Variants in APOOL observed in about 807,000 individuals in gnomAD.
The protein encoded by APOOL is MICOS complex subunit MIC27.
Under a neutral mutation model 23.1 loss-of-function variants are expected in APOOL, and 12 were observed. That is an observed-to-expected ratio of 0.52 (90% confidence interval 0.33 to 0.84). APOOL has a LOEUF of 0.84. APOOL is among the 40% of genes least tolerant of loss of function. The pLI is 0.02. For missense variants in APOOL, 212 were observed against 199.6 expected (o/e 1.06, Z -0.37); for synonymous variants, 77 against 69.9 (o/e 1.10, Z -0.51).
intron 8 of APOOL, among the ~76,000 whole-genome samples, chrX:85,082,879 G>A (rs982664082): frequency 6.3e-5 from 7 of 111,566 alleles, no homozygotes; most frequent in Admixed American, 1.9e-4. Flanking sequence ...TTGTGGATTC[G>A]GAGACTAAAT....
rs1258538706 is a variant in APOOL at position 85,088,060 on chromosome X, A to G, written c.*382A>G. Reference sequence around the variant, plus strand: ...TGTATAAATACGTATTTATACATATATGTATAAATACATATACATATATGT... The same window carrying G: ...TGTATAAATACGTATTTATACATATGTGTATAAATACATATACATATATGT... On this transcript the variant is annotated 3_prime_UTR_variant, in exon 9 of 9. Coordinates refer to ENST00000373173, the MANE Select transcript of APOOL (RefSeq NM_198450.6). The G allele has an allele frequency of 1.4e-4, 1 of 7,210 alleles. No individual in the cohort carries two copies. The highest frequency in any genetic ancestry group is 2.2e-4 in the Non-Finnish European group (1 of 4,585). 0.6% of individuals were successfully genotyped at this position (7,210 alleles called of 1,213,427 possible). A position where few individuals can be genotyped will look rare whatever the true frequency, so the allele number is the denominator to read the frequency against.
chrX:85,051,861 T>C (rs1413797331), intron 3 of APOOL, among the ~76,000 whole-genome samples: 1 of 111,963 alleles, frequency 8.9e-6, no homozygotes, highest in Non-Finnish European at 1.9e-5. Context: ...TCAAGCATGG[T>C]GATCTCAAAT....
At chrX:85,050,938 AC>A (rs1284318444) in intron 2 of APOOL, among the ~76,000 whole-genome samples, 1 of 110,476 alleles carries the variant, frequency 9.1e-6, no homozygotes, top group Non-Finnish European at 1.9e-5. Flanking sequence ...TTTTTAAGTA[AC>A]CTTATATTCC....
chrX:85,060,018 A>G (rs1488475184), intron 5 of APOOL, among the ~76,000 whole-genome samples: 151 of 110,796 alleles, frequency 1.4e-3, no homozygotes, highest in Non-Finnish European at 2.4e-3. Context: ...TAGGTCTAAC[A>G]TTTAAGTCTT....
chrX:85,036,165 T>C (rs1922209763), intron 1 of APOOL, among the ~76,000 whole-genome samples: 1 of 112,228 alleles, frequency 8.9e-6, no homozygotes, highest in African/African-American at 3.2e-5. Context: ...AGCAGTGTTT[T>C]ATAGTTCTGA....
chrX:85,004,506 C>T (rs1261925512), intron 1 of APOOL, among the ~76,000 whole-genome samples: 2 of 112,157 alleles, frequency 1.8e-5, no homozygotes, highest in Non-Finnish European at 3.8e-5. Flanking sequence ...AGTGACTCAG[C>T]TGGCAGCTTG....
At chrX:85,087,277 CTA>C (rs1254926086) in intron 8 of APOOL, among the ~76,000 whole-genome samples, 3 of 111,151 alleles carry the variant, frequency 2.7e-5, no homozygotes, top group Non-Finnish European at 5.7e-5. Context: ...CTGCTGGTAT[CTA>C]TAGGGTGCAC....
At chrX:85,070,824 A>G (rs938717368) in intron 6 of APOOL, among the ~76,000 whole-genome samples, 4 of 110,821 alleles carry the variant, frequency 3.6e-5, no homozygotes, top group Admixed American at 9.8e-5. Context: ...ATGTCCAAAA[A>G]AAAAAAAAAT....
intron 2 of APOOL, among the ~76,000 whole-genome samples, chrX:85,048,320 A>T (rs985720307): frequency 1.8e-5 from 2 of 110,699 alleles, no homozygotes; most frequent in Admixed American, 1.9e-4. Flanking sequence ...TCTTAGGAGG[A>T]TGTTGATTTT....
chrX:85,051,346 C>T, intron 2 of APOOL, 43 bp from the exon 3 acceptor site: 1 of 1,201,158 alleles, frequency 8.3e-7, no homozygotes, highest in Non-Finnish European at 1.1e-6. Context: ...TATGGACAGT[C>T]CAGCTATTTT....
intron 1 of APOOL, among the ~76,000 whole-genome samples, chrX:85,039,285 G>T (rs1386842909): frequency 3.7e-5 from 4 of 108,863 alleles, no homozygotes; most frequent in Non-Finnish European, 5.7e-5. Flanking sequence ...CATGATTTCA[G>T]TTTTTTTTGT....
intron 6 of APOOL, among the ~76,000 whole-genome samples, chrX:85,072,479 C>G (rs944558075): frequency 9.1e-6 from 1 of 110,318 alleles, no homozygotes; most frequent in Non-Finnish European, 1.9e-5. Context: ...AATTTCAGCT[C>G]TAGGAATTTA....
chrX:85,013,583 G>T (rs770046749), intron 1 of APOOL, among the ~76,000 whole-genome samples: 1 of 111,829 alleles, frequency 8.9e-6, no homozygotes, highest in African/African-American at 3.2e-5. Context: ...TTGGCCCAAA[G>T]ATCATTCATT....
intron 1 of APOOL, among the ~76,000 whole-genome samples, chrX:85,011,822 T>C (rs1921296396): frequency 1.8e-5 from 2 of 111,761 alleles, no homozygotes; most frequent in East Asian, 5.6e-4. Flanking sequence ...TTCAGCTATG[T>C]GGGCTCTTTT....
At chrX:85,086,772 T>C (rs1192586696) in intron 8 of APOOL, among the ~76,000 whole-genome samples, 1 of 84,680 alleles carries the variant, frequency 1.2e-5, no homozygotes, top group Non-Finnish European at 2.3e-5. Flanking sequence ...CGATCTCGGC[T>C]CACTGCAAGC....
At chrX:85,063,597 C>G (rs1417501288) in intron 5 of APOOL, among the ~76,000 whole-genome samples, 1 of 111,278 alleles carries the variant, frequency 9.0e-6, no homozygotes, top group African/African-American at 3.3e-5. Context: ...TTATCAAAGG[C>G]CTTTTCTGCG....
intron 1 of APOOL, among the ~76,000 whole-genome samples, chrX:85,014,196 C>G (rs984173177): frequency 9.0e-6 from 1 of 111,223 alleles, no homozygotes; most frequent in African/African-American, 3.3e-5. Flanking sequence ...ACCCCTTTAC[C>G]TTAAGTATAT....
chrX:85,078,880 G>A (rs1923965568), intron 8 of APOOL, among the ~76,000 whole-genome samples: 1 of 111,223 alleles, frequency 9.0e-6, no homozygotes, highest in Non-Finnish European at 1.9e-5. Context: ...CTCATGATTT[G>A]GCTCTCTGTT....
intron 1 of APOOL, among the ~76,000 whole-genome samples, chrX:85,020,426 C>A (rs954921845): frequency 9.0e-6 from 1 of 111,291 alleles, no homozygotes; most frequent in Non-Finnish European, 1.9e-5. Flanking sequence ...CTGGACTTTG[C>A]CTTGGACACC....
Sources: gnomAD v4.1 joint callset for allele counts (sites outside exome capture counted in the v4.1 genomes callset) on GRCh38, gnomAD v4.1.1 for gene constraint, MANE v1.5 for transcripts, NCBI Gene and HGNC (gene_info 2026-07-23, HGNC 2026-07-21) for gene names.